Variants in SCAPER observed in about 807,000 individuals in gnomAD.
SCAPER encodes S-phase cyclin A associated protein in the ER.
Under a neutral mutation model 182.2 loss-of-function variants are expected in SCAPER, and 98 were observed. That is an observed-to-expected ratio of 0.54 (90% CI 0.46 to 0.64). SCAPER has a LOEUF of 0.64. SCAPER is among the 30% of genes least tolerant of loss of function. The pLI is 0.00. For synonymous variants in SCAPER, 605 were observed against 564.6 expected (o/e 1.07, Z -1.01); for missense variants, 1,432 against 1,690.0 (o/e 0.85, Z 2.68).
intron 29 of SCAPER, among the ~76,000 whole-genome samples, chr15:76,355,398 T>G (rs2040884381): frequency 6.6e-6 from 1 of 152,240 alleles, no homozygotes; most frequent in Non-Finnish European, 1.5e-5. Flanking sequence ...CATTTCTGAC[T>G]CTGGCTGAGA....
chr15:76,620,352 A>G (rs775135004), intron 22 of SCAPER, among the ~76,000 whole-genome samples: 40 of 152,180 alleles, frequency 2.6e-4, no homozygotes, highest in Admixed American at 3.9e-4. Context: ...TTATTATATT[A>G]ATTTGGTAAT....
chr15:76,468,035 A>G (rs1267727646), intron 25 of SCAPER, among the ~76,000 whole-genome samples: 1 of 152,196 alleles, frequency 6.6e-6, no homozygotes, highest in Admixed American at 6.5e-5. Flanking sequence ...TTGTTGGAAA[A>G]TGTATTGACA....
At chr15:76,880,000 G>A (rs568974462) in intron 2 of SCAPER, among the ~76,000 whole-genome samples, 1 of 152,302 alleles carries the variant, frequency 6.6e-6, no homozygotes, top group Non-Finnish European at 1.5e-5. Context: ...TGAATAACTG[G>A]CAGAATGATT....
In SCAPER at chr15:76,425,409, G is replaced by A. The variant is rs543008060; in HGVS notation, c.3311+8669C>T. On this transcript the variant is annotated intron_variant, in intron 26 of 31. Coordinates refer to ENST00000563290, the MANE Select transcript of SCAPER (RefSeq NM_020843.4). Reference sequence around the variant, plus strand: ...ACCCTTTCTTCCAGTTGATAGAATCGGCTACTGAAGCTTGTGCATGTGTCA... The same window carrying A: ...ACCCTTTCTTCCAGTTGATAGAATCAGCTACTGAAGCTTGTGCATGTGTCA... Among the ~76,000 whole-genome samples, 13 of 152,140 alleles carry A rather than the reference G, an allele frequency of 8.5e-5. No homozygotes were observed. The East Asian group carries it at 1.5e-3, about 18-fold the overall frequency.
At chr15:76,762,861 C>T (rs573350682) in intron 14 of SCAPER, among the ~76,000 whole-genome samples, 34 of 152,150 alleles carry the variant, frequency 2.2e-4, no homozygotes, top group Admixed American at 1.8e-3. Context: ...CTTGCTATGT[C>T]GTCCAGGCTG....
intron 26 of SCAPER, among the ~76,000 whole-genome samples, chr15:76,428,494 A>G (rs1214202230): frequency 6.6e-6 from 1 of 152,180 alleles, no homozygotes; most frequent in African/African-American, 2.4e-5. Context: ...ATGGACCTGG[A>G]GGTTTTTATG....
At chr15:76,690,291 C>G (rs915779664) in intron 20 of SCAPER, among the ~76,000 whole-genome samples, 5 of 151,920 alleles carry the variant, frequency 3.3e-5, no homozygotes, top group Non-Finnish European at 5.9e-5. Context: ...AGTCATCAGG[C>G]GAACCCAAAT....
intron 14 of SCAPER, among the ~76,000 whole-genome samples, chr15:76,754,347 T>A (rs528849841): frequency 2.6e-5 from 4 of 152,200 alleles, no homozygotes; most frequent in African/African-American, 9.6e-5. Flanking sequence ...TAGTGTATAA[T>A]TCTTGTCCTT....
At chr15:76,646,459 G>A (rs536937998) in intron 21 of SCAPER, among the ~76,000 whole-genome samples, 1 of 152,292 alleles carries the variant, frequency 6.6e-6, no homozygotes, top group South Asian at 2.1e-4. Flanking sequence ...GAATTCCCAT[G>A]CTGCTCTTTC....
chr15:76,766,153 G>C (rs1403142270), intron 11 of SCAPER, among the ~76,000 whole-genome samples: 1 of 151,812 alleles, frequency 6.6e-6, no homozygotes, highest in Non-Finnish European at 1.5e-5. Context: ...CTGGAGTGCA[G>C]TGGCACGATC....
intron 25 of SCAPER, among the ~76,000 whole-genome samples, chr15:76,456,518 G>C (rs1203971121): frequency 6.6e-6 from 1 of 152,134 alleles, no homozygotes; most frequent in East Asian, 1.9e-4. Flanking sequence ...AGCATATAGT[G>C]TATCTTGAAC....
Position 76,764,666 on chromosome 15 carries a change from C to T in SCAPER, c.1725+295G>A, listed in dbSNP as rs114543576. ...AGTCTTAGGCTCCAAATTGTCCTACCAGGTCATTCTACACTTTAGACAAAC... is the reference window on the plus strand; with the variant it reads ...AGTCTTAGGCTCCAAATTGTCCTACTAGGTCATTCTACACTTTAGACAAAC... On this transcript the variant is annotated intron_variant, in intron 14 of 31. Transcript: ENST00000563290. Among the ~76,000 whole-genome samples the T allele has an allele frequency of 1.8e-3, 279 of 152,286 alleles. 2 individuals carry two copies. The highest frequency in any genetic ancestry group is 6.5e-3 in the African/African-American group (270 of 41,560).
chr15:76,776,014 C>T (rs967860997), intron 8 of SCAPER, among the ~76,000 whole-genome samples: 4 of 152,056 alleles, frequency 2.6e-5, no homozygotes, highest in African/African-American at 9.7e-5. Flanking sequence ...TCCTTCATTT[C>T]GGGCCCTCCA....
chr15:76,419,853 A>G (rs1172941165), intron 26 of SCAPER, among the ~76,000 whole-genome samples: 1 of 152,244 alleles, frequency 6.6e-6, no homozygotes, highest in Non-Finnish European at 1.5e-5. Flanking sequence ...ATTACAAGCC[A>G]ATATACTTCA....
At position 76,524,689 on chromosome 15, in the gene SCAPER, G is replaced by GTTTTTTTTTTTTTTTTTTTTTTT. The variant is rs35944222; in HGVS notation, c.2839-19738_2839-19716dup. ...TTCTGGAGTTGTGTTTTTTTGTTCT[G>GTTTTTTTTTTTTTTTTTTTTTTT]TTTTTTTTTTTTTTTTTTTTTTTTT... On this transcript the variant is annotated intron_variant, in intron 23 of 31. Transcript: ENST00000563290. 4.0e-5 allele frequency among the ~76,000 whole-genome samples: 2 copies of GTTTTTTTTTTTTTTTTTTTTTTT among 50,116 alleles called. 1 individual carries two copies. The highest frequency in any genetic ancestry group is 7.0e-5 in the Non-Finnish European group (2 of 28,376). 32.9% of individuals were successfully genotyped at this position (50,116 alleles called of 152,430 possible).
chr15:76,360,495 C>T (rs1177047432), intron 29 of SCAPER, among the ~76,000 whole-genome samples: 13 of 152,180 alleles, frequency 8.5e-5, no homozygotes, highest in Admixed American at 6.5e-4. Context: ...GGCCCATCTA[C>T]GGTCACTGGA....
intron 5 of SCAPER, among the ~76,000 whole-genome samples, chr15:76,824,396 C>A (rs967028428): frequency 1.3e-5 from 2 of 152,188 alleles, no homozygotes; most frequent in Admixed American, 1.3e-4. Context: ...AGTGCACAGG[C>A]CCTTGGGCCC....
intron 2 of SCAPER, among the ~76,000 whole-genome samples, chr15:76,882,724 G>A (rs1431287477): frequency 1.3e-5 from 2 of 152,266 alleles, no homozygotes; most frequent in Admixed American, 1.3e-4. Context: ...GAGTGCAGTG[G>A]CACGATCTTG....
At chr15:76,902,359 G>A (rs1165676135) in intron 1 of SCAPER, among the ~76,000 whole-genome samples, 1 of 152,182 alleles carries the variant, frequency 6.6e-6, no homozygotes, top group Non-Finnish European at 1.5e-5. Flanking sequence ...AGGGGAGCAT[G>A]GGCTGAAAGA....
Sources: gnomAD v4.1 joint callset for allele counts (sites outside exome capture counted in the v4.1 genomes callset) on GRCh38, gnomAD v4.1.1 for gene constraint, MANE v1.5 for transcripts, NCBI Gene and HGNC (gene_info 2026-07-23, HGNC 2026-07-21) for gene names.